SPTSSA: variants seen among roughly 807,000 people sequenced by gnomAD.
SPTSSA encodes the protein serine palmitoyltransferase small subunit A, also known as small subunit of serine palmitoyltransferase A.
In SPTSSA, 8 loss-of-function variants were observed where a neutral mutation model predicts 9.1. The observed-to-expected ratio is 0.88, with a 90% CI of 0.51 to 1.58. The LOEUF (loss-of-function observed/expected upper bound fraction) is 1.58. SPTSSA is among the 40% of genes most tolerant of loss of function. The pLI, the probability that SPTSSA is intolerant of heterozygous loss-of-function variation, is 0.00. For missense variants in SPTSSA, 100 were observed against 93.8 expected (o/e 1.07, Z -0.27); for synonymous variants, 42 against 37.7 (o/e 1.11, Z -0.41).
At chr14:34,457,972 A>G (rs1313647886) in intron 1 of SPTSSA, among the ~76,000 whole-genome samples, 5 of 72,070 alleles carry the variant, frequency 6.9e-5, no homozygotes, top group East Asian at 4.0e-4. Flanking sequence ...ACTGTCTCGG[A>G]AAAAAAAAAA....
chr14:34,434,015 T>A lies in SPTSSA; in HGVS notation c.*1186A>T, dbSNP rs982902947. ...AGCAACACACATAATTGCCTAATTC[T>A]TTTCAATTAGCAATATTTTTATGTT... On this transcript the variant is annotated 3_prime_UTR_variant, in exon 2 of 2. Transcript: ENST00000298130. The A allele has an allele frequency of 6.6e-6, 1 of 151,998 alleles. No homozygotes were observed. Among genetic ancestry groups the A allele is most frequent in the Non-Finnish European group, 1.5e-5 (1 of 67,994 alleles). The allele number at this position is 151,998 out of a possible 1,614,324, so 9.4% of individuals were successfully genotyped here. A position where few individuals can be genotyped will look rare whatever the true frequency, so the allele number is the denominator to read the frequency against.
intron 1 of SPTSSA, among the ~76,000 whole-genome samples, chr14:34,452,994 A>G (rs1224990144): frequency 6.6e-6 from 1 of 151,880 alleles, no homozygotes; most frequent in African/African-American, 2.4e-5. Flanking sequence ...CCCCTGAAAC[A>G]GCAAGACCAA....
intron 1 of SPTSSA, among the ~76,000 whole-genome samples, chr14:34,443,682 C>CA (rs1883371436): frequency 6.6e-6 from 1 of 151,924 alleles, no homozygotes; most frequent in Non-Finnish European, 1.5e-5. Context: ...ATTACAGGTG[C>CA]CCGCCACCAC....
rs150968384 is a variant in SPTSSA, at chr14:34,449,745, C to T, written c.112+12351G>A. Among the ~76,000 whole-genome samples the T allele has an allele frequency of 5.3e-3, 799 of 152,178 alleles. 9 individuals carry two copies. The highest frequency in any genetic ancestry group is 0.019 in the African/African-American group (768 of 41,486). Reference sequence around the variant, plus strand: ...CTCGAACTCCTGGCCTCAGGTGATCCGCCCACCTCAGTCTCCCAAAGTGCT... The same window carrying T: ...CTCGAACTCCTGGCCTCAGGTGATCTGCCCACCTCAGTCTCCCAAAGTGCT... On this transcript the variant is annotated intron_variant, in intron 1 of 1. Transcript: ENST00000298130.
chr14:34,447,691 C>CAAACCAAA (rs1883445867), intron 1 of SPTSSA, among the ~76,000 whole-genome samples: 1 of 152,024 alleles, frequency 6.6e-6, no homozygotes, highest in Non-Finnish European at 1.5e-5. Flanking sequence ...TGCACTGGGC[C>CAAACCAAA]CCAACAGACC....
At chr14:34,442,664 G>C (rs1397287490) in intron 1 of SPTSSA, among the ~76,000 whole-genome samples, 3 of 152,194 alleles carry the variant, frequency 2.0e-5, no homozygotes, top group Non-Finnish European at 4.4e-5. Flanking sequence ...AAAGTGGAAT[G>C]GTGTTACATG....
intron 1 of SPTSSA, among the ~76,000 whole-genome samples, chr14:34,438,004 T>C (rs867324618): frequency 6.6e-6 from 1 of 152,076 alleles, no homozygotes; most frequent in Admixed American, 6.6e-5. Flanking sequence ...GGTCTCCCTA[T>C]GTTGCTCAGG....
chr14:34,452,694 A>C (rs4982180), intron 1 of SPTSSA, among the ~76,000 whole-genome samples: 43,918 of 152,004 alleles, frequency 0.29, 8,170 homozygotes, highest in African/African-American at 0.54. Context: ...TCTGGCACAC[A>C]TTTATTGATT....
At chr14:34,441,168 CT>C (rs1883310870) in intron 1 of SPTSSA, among the ~76,000 whole-genome samples, 1 of 152,156 alleles carries the variant, frequency 6.6e-6, no homozygotes, top group Non-Finnish European at 1.5e-5. Flanking sequence ...AATCCCAACA[CT>C]TTGGGAACTC....
At chr14:34,435,387 G>T (rs779347350) in intron 1 of SPTSSA, 83 bp from the exon 2 acceptor site, 6 of 918,496 alleles carry the variant, frequency 6.5e-6, no homozygotes, top group Non-Finnish European at 1.0e-5. Context: ...CTTTTATGCT[G>T]AAGTACCCAT....
chr14:34,442,262 C>T (rs1318173589), intron 1 of SPTSSA, among the ~76,000 whole-genome samples: 1 of 152,214 alleles, frequency 6.6e-6, no homozygotes, highest in Non-Finnish European at 1.5e-5. Flanking sequence ...TTGGAGCAAA[C>T]TCACCCATTT....
chr14:34,460,323 T>C (rs556319762), intron 1 of SPTSSA, among the ~76,000 whole-genome samples: 2 of 152,190 alleles, frequency 1.3e-5, no homozygotes, highest in African/African-American at 2.4e-5. Context: ...TAATATTGGA[T>C]GTCAGTTGGT....
intron 1 of SPTSSA, among the ~76,000 whole-genome samples, chr14:34,440,752 A>G (rs1347157251): frequency 6.6e-6 from 1 of 152,080 alleles, no homozygotes; most frequent in Non-Finnish European, 1.5e-5. Context: ...GTGGTGGCGC[A>G]TGCCTGTAAT....
chr14:34,443,639 G>A (rs187342888), intron 1 of SPTSSA, among the ~76,000 whole-genome samples: 255 of 151,612 alleles, frequency 1.7e-3, no homozygotes, highest in Middle Eastern at 3.4e-3. Flanking sequence ...AGGTTCAAGC[G>A]ATTCTCCTGC....
intron 1 of SPTSSA, among the ~76,000 whole-genome samples, chr14:34,451,497 G>T (rs1031072834): frequency 1.3e-5 from 2 of 152,136 alleles, no homozygotes; most frequent in African/African-American, 4.8e-5. Flanking sequence ...GCCAAGGTGG[G>T]CAGATCACGA....
At chr14:34,443,171 GTTTT>G (rs1481754872) in intron 1 of SPTSSA, among the ~76,000 whole-genome samples, 1 of 62,092 alleles carries the variant, frequency 1.6e-5, no homozygotes, top group Non-Finnish European at 2.6e-5. Flanking sequence ...GTGTGTGTGT[GTTTT>G]GAGATTGAGT....
At chr14:34,441,482 ATTCC>A (rs1883315473) in intron 1 of SPTSSA, among the ~76,000 whole-genome samples, 1 of 152,198 alleles carries the variant, frequency 6.6e-6, no homozygotes, top group Non-Finnish European at 1.5e-5. Context: ...AAAACCCTTC[ATTCC>A]TTCCTTGCTT....
rs1285260345 is a variant in SPTSSA at position 34,462,164 on chromosome 14, C to T, written c.44G>A (p.Trp15Ter). The change falls in exon 1 of 2, where the codon TGG becomes TAG. Residue 15 changes from tryptophan to a stop codon, truncating the protein, a stop_gained. Coordinates refer to ENST00000298130, the MANE Select transcript of SPTSSA (RefSeq NM_138288.4). LOFTEE classifies it high-confidence loss of function. ...ALARAWKQMS[W>*]FYYQYLLVTA... ...GACCAGCAGGTACTGGTAGTAGAAC[C>T]AGGACATCTGCTTCCAGGCCCGCGC... is the stretch of plus-strand genomic sequence containing the variant. 6.5e-7 allele frequency: 1 copy of T among 1,534,250 alleles called. No individual in the cohort carries two copies. Among genetic ancestry groups the T allele is most frequent in the Non-Finnish European group, 8.8e-7 (1 of 1,136,360 alleles).
intron 1 of SPTSSA, among the ~76,000 whole-genome samples, chr14:34,456,960 T>C (rs1566426990): frequency 4.1e-5 from 6 of 147,944 alleles, no homozygotes; most frequent in Non-Finnish European, 8.9e-5. Context: ...TTATTATTAT[T>C]ATTATTATTA....
Sources: gnomAD v4.1 joint callset for allele counts (sites outside exome capture counted in the v4.1 genomes callset) on GRCh38, gnomAD v4.1.1 for gene constraint, MANE v1.5 for transcripts, NCBI Gene and HGNC (gene_info 2026-07-23, HGNC 2026-07-21) for gene names.